EPSTI1: variants seen among roughly 807,000 people sequenced by gnomAD.
EPSTI1 encodes the protein epithelial stromal interaction 1, also known as epithelial-stromal interaction protein 1.
A neutral mutation model predicts 49.9 loss-of-function variants in EPSTI1; 66 were observed. The observed-to-expected ratio is 1.32, with a 90% CI of 1.08 to 1.62. The LOEUF (loss-of-function observed/expected upper bound fraction) is 1.62, where lower values mean the gene tolerates loss of function less well. Ranked by LOEUF, EPSTI1 falls within the 40% of genes most tolerant of loss-of-function variation. The pLI is 0.00. For synonymous variants in EPSTI1, 137 were observed against 130.7 expected, an observed-to-expected ratio of 1.05 and a Z score of -0.33; for missense variants, 394 against 365.5, an observed-to-expected ratio of 1.08 and a Z score of -0.64.
rs781723834 is a variant in EPSTI1 at position 42,922,283 on chromosome 13, GTTTC to G, written c.657+4049_657+4052del. 4.3e-4 allele frequency among the ~76,000 whole-genome samples: 66 copies of G among 152,224 alleles called. No homozygotes were observed. The highest frequency in any genetic ancestry group is 9.3e-4 in the Non-Finnish European group (63 of 68,038). On this transcript the variant is annotated intron_variant, in intron 7 of 10. Transcript: ENST00000313624. The surrounding 1 kb of genome is among the most constrained non-coding windows in gnomAD (Gnocchi z 4.8). The stretch of plus-strand genomic sequence containing the variant: ...GTCCCAATCCCTGGAATCTGTGAAT[GTTTC>G]TTTATGTGACAAAAGGGACTTTGCA...
chr13:42,911,223 G>A (rs1288461320), intron 8 of EPSTI1, among the ~76,000 whole-genome samples: 3 of 149,156 alleles, frequency 2.0e-5, no homozygotes, highest in Non-Finnish European at 4.4e-5. Flanking sequence ...CTGTGAGAGA[G>A]AGAGGGAGGG....
At chr13:42,945,069 G>T (rs1465051529) in intron 6 of EPSTI1, among the ~76,000 whole-genome samples, 1 of 152,130 alleles carries the variant, frequency 6.6e-6, no homozygotes, top group Non-Finnish European at 1.5e-5. Context: ...CTACGTATTA[G>T]TCTGTTCTCA....
chr13:42,921,949 C>G (rs1441591248), intron 7 of EPSTI1, among the ~76,000 whole-genome samples: 3 of 151,796 alleles, frequency 2.0e-5, no homozygotes, highest in Non-Finnish European at 4.4e-5. Context: ...TTTTGTAGAA[C>G]AGTCACAAAA....
intron 1 of EPSTI1, among the ~76,000 whole-genome samples, chr13:42,973,528 C>G (rs2039813160): frequency 6.6e-6 from 1 of 152,172 alleles, no homozygotes. Context: ...GCTTCTATTT[C>G]TATTTCTTAA....
chr13:42,929,989 C>A (rs2038309795), intron 6 of EPSTI1, among the ~76,000 whole-genome samples: 1 of 152,172 alleles, frequency 6.6e-6, no homozygotes, highest in African/African-American at 2.4e-5. Flanking sequence ...GGACTCAGGC[C>A]TCTGACTCTA....
chr13:42,898,988 A>G (rs2037275127), intron 9 of EPSTI1, among the ~76,000 whole-genome samples: 1 of 152,136 alleles, frequency 6.6e-6, no homozygotes, highest in Non-Finnish European at 1.5e-5. Flanking sequence ...ACCTGAGGTC[A>G]GGAGTTCAAG....
chr13:42,966,531 G>A, intron 3 of EPSTI1, among the ~76,000 whole-genome samples: 1 of 49,016 alleles, frequency 2.0e-5, no homozygotes, highest in African/African-American at 6.4e-5. Flanking sequence ...GAGAAGTGAG[G>A]AGACCCTCTG....
chr13:42,992,215 G>A lies in EPSTI1; in HGVS notation c.-50C>T. ...CCGCCGTCGCTGCGGGAGGGATGCG[G>A]CTGGGACGCTTAGCGAGTCTCAAGA... On this transcript the variant is annotated 5_prime_UTR_variant, in exon 1 of 11. Transcript: ENST00000313624. The A allele has an allele frequency of 1.3e-6, 2 of 1,482,524 alleles. No individual in the cohort carries two copies. Among genetic ancestry groups the A allele is most frequent in the Non-Finnish European group, 1.8e-6 (2 of 1,114,726 alleles). 91.8% of individuals were successfully genotyped at this position (1,482,524 alleles called of 1,614,324 possible). A position where few individuals can be genotyped will look rare whatever the true frequency, so the allele number is the denominator to read the frequency against.
At chr13:42,958,849 A>G (rs1566157650) in intron 5 of EPSTI1, among the ~76,000 whole-genome samples, 1 of 152,224 alleles carries the variant, frequency 6.6e-6, no homozygotes, top group African/African-American at 2.4e-5. Context: ...CAAATCTCAG[A>G]AATGTAGTGT....
At chr13:42,947,695 T>G (rs1043659868) in intron 6 of EPSTI1, among the ~76,000 whole-genome samples, 3 of 152,194 alleles carry the variant, frequency 2.0e-5, no homozygotes, top group African/African-American at 7.2e-5. Context: ...GGAGGTCAGT[T>G]GAGAGCAGTT....
At chr13:42,926,221 C>A in intron 7 of EPSTI1, 115 bp downstream of exon 7, 3 of 733,498 alleles carry the variant, frequency 4.1e-6, no homozygotes, top group Non-Finnish European at 7.6e-6. Context: ...ATCAGGTCAT[C>A]TGTCTTTAGT....
chr13:42,933,088 G>A (rs562599485), intron 6 of EPSTI1, among the ~76,000 whole-genome samples: 40 of 152,118 alleles, frequency 2.6e-4, no homozygotes, highest in Non-Finnish European at 3.8e-4. Flanking sequence ...TCCTGAATTG[G>A]ATCCTGAAAT....
intron 6 of EPSTI1, among the ~76,000 whole-genome samples, chr13:42,927,000 C>G (rs1255731790): frequency 6.7e-6 from 1 of 149,918 alleles, no homozygotes; most frequent in African/African-American, 2.5e-5. Context: ...GACACACACA[C>G]ACACACACAC....
chr13:42,948,178 C>G (rs2153427317), intron 6 of EPSTI1, among the ~76,000 whole-genome samples: 1 of 152,386 alleles, frequency 6.6e-6, no homozygotes, highest in Non-Finnish European at 1.5e-5. Flanking sequence ...GGAGGCCCAG[C>G]AGCCAGCTGG....
chr13:42,983,496 G>T lies in EPSTI1; in HGVS notation c.188+8482C>A, dbSNP rs11147894. 2.0e-5 allele frequency among the ~76,000 whole-genome samples: 3 copies of T among 149,476 alleles called. No homozygotes were observed. In the East Asian group the frequency reaches 5.9e-4, roughly 30 times the overall value. ...GGGGAATCGCTTGAAGCCAGGAGGC[G>T]GAGTTTGCAGTGAGCTGAGACCACG... On this transcript the variant is annotated intron_variant, in intron 1 of 10. Coordinates refer to ENST00000313624, the MANE Select transcript of EPSTI1 (RefSeq NM_033255.5).
chr13:42,913,880 T>C (rs748032954), intron 8 of EPSTI1, among the ~76,000 whole-genome samples: 21 of 152,226 alleles, frequency 1.4e-4, no homozygotes, highest in South Asian at 2.1e-4. Context: ...TGGAGGCGGA[T>C]TGCCTCCCTG....
At chr13:42,935,723 C>G (rs1048019850) in intron 6 of EPSTI1, among the ~76,000 whole-genome samples, 2 of 152,090 alleles carry the variant, frequency 1.3e-5, no homozygotes, top group Admixed American at 1.3e-4. Flanking sequence ...TCCTGAGTAG[C>G]TGGGATTACA....
At chr13:42,945,674 AG>A (rs2038897958) in intron 6 of EPSTI1, among the ~76,000 whole-genome samples, 1 of 152,220 alleles carries the variant, frequency 6.6e-6, no homozygotes, top group Admixed American at 6.5e-5. Flanking sequence ...GCAGTAGTCC[AG>A]GGGGTGACAA....
intron 6 of EPSTI1, among the ~76,000 whole-genome samples, chr13:42,941,969 A>C (rs963969156): frequency 1.3e-5 from 2 of 152,210 alleles, no homozygotes; most frequent in African/African-American, 4.8e-5. Context: ...GTTAAATAAA[A>C]GGAAAATTTG....
Sources: allele counts gnomAD v4.1 joint callset (sites outside exome capture counted in the v4.1 genomes callset), GRCh38; gene constraint gnomAD v4.1.1; non-coding constraint Gnocchi (gnomAD v3.1); transcripts MANE v1.5; gene names NCBI Gene and HGNC (gene_info 2026-07-23, HGNC 2026-07-21).